The following TG variants were observed in gnomAD, a reference collection of about 807,000 sequenced individuals.
TG encodes the protein thyroid hormones.
In TG, 270 loss-of-function variants were observed where a neutral mutation model predicts 324.7. That is an observed-to-expected ratio of 0.83 (90% CI 0.75 to 0.92). The LOEUF (loss-of-function observed/expected upper bound fraction) is 0.92, where lower values mean the gene tolerates loss of function less well. TG is among the 40% of genes least tolerant of loss of function. The probability of loss-of-function intolerance (pLI) is 0.00; values close to 1 mark genes in which losing one functional copy is unlikely to be tolerated. For missense variants in TG, 3,591 were observed against 3,456.4 expected, an observed-to-expected ratio of 1.04 and a Z score of -0.98; for synonymous variants, 1,401 against 1,327.0, an observed-to-expected ratio of 1.06 and a Z score of -1.21.
intron 35 of TG, among the ~76,000 whole-genome samples, chr8:133,000,257 A>G (rs1436377996): frequency 6.6e-6 from 1 of 152,190 alleles, no homozygotes; most frequent in African/African-American, 2.4e-5. Flanking sequence ...TATGGCACAC[A>G]CAGGGGATGA....
intron 16 of TG, among the ~76,000 whole-genome samples, chr8:132,903,221 C>G (rs187129495): frequency 2.5e-3 from 376 of 152,330 alleles, no homozygotes; most frequent in Admixed American, 5.6e-3. Flanking sequence ...TATAAGGGAG[C>G]AGTTCATTGG....
In TG at chr8:132,886,676, T is replaced by C. The variant is rs1372271336; in HGVS notation, c.1304T>C (p.Val435Ala). Residue 435 changes from valine (V) to alanine (A), a missense_variant, in exon 9 of 48, where the codon GTC becomes GCC. Transcript: ENST00000220616. ...MVEGQSQQFS[V>A]SENLLKEAIR... ...GAGGGACAGAGCCAACAGTTTTCTGTCTCAGAAAATCTTCTCAAAGAAGCC... is the reference window on the plus strand; with the variant it reads ...GAGGGACAGAGCCAACAGTTTTCTGCCTCAGAAAATCTTCTCAAAGAAGCC... 6.2e-7 allele frequency: 1 copy of C among 1,614,150 alleles called. No homozygotes were observed. The highest frequency in any genetic ancestry group is 8.5e-7 in the Non-Finnish European group (1 of 1,180,028).
At chr8:132,969,112 A>G (rs545617841) in intron 31 of TG, among the ~76,000 whole-genome samples, 1 of 152,196 alleles carries the variant, frequency 6.6e-6, no homozygotes, top group South Asian at 2.1e-4. Context: ...GGGCTGCCAT[A>G]CTTAAACCTT....
intron 26 of TG, among the ~76,000 whole-genome samples, chr8:132,946,616 C>G (rs1186888350): frequency 6.6e-6 from 1 of 152,120 alleles, no homozygotes; most frequent in Non-Finnish European, 1.5e-5. Flanking sequence ...CCTTTCTCCC[C>G]TCCCAACAAG....
chr8:132,872,779 C>T (rs1412595963), intron 4 of TG, among the ~76,000 whole-genome samples: 1 of 152,134 alleles, frequency 6.6e-6, no homozygotes, highest in East Asian at 1.9e-4. Context: ...CAAATACTCA[C>T]CATTGTCTTA....
At chr8:132,917,044 T>TCCCTCCTTCCTTCCTTCCTA (rs1563951967) in intron 20 of TG, among the ~76,000 whole-genome samples, 1 of 48,450 alleles carries the variant, frequency 2.1e-5, no homozygotes, top group Non-Finnish European at 4.4e-5. Context: ...CCTCCCTCCC[T>TCCCTCCTTCCTTCCTTCCTA]CCTTCCTTCC....
chr8:133,046,928 AGT>A (rs1370858568), intron 41 of TG, among the ~76,000 whole-genome samples: 2 of 152,226 alleles, frequency 1.3e-5, no homozygotes, highest in Non-Finnish European at 2.9e-5. Flanking sequence ...ACTCTCAGAT[AGT>A]GTGTTTTCTC....
At position 133,042,678 on chromosome 8, in the gene TG, C is replaced by CCTTTTTTTTTTTTT. The variant is rs1554706932; in HGVS notation, c.7239+12655_7239+12656insCTTTTTTTTTTTTT. Reference sequence around the variant, plus strand: ...GTGCACAATTCCTCTCATTCTGTGTCTTTTTTTTTTTTTTTTTTTTTTTTT... The same window carrying CCTTTTTTTTTTTTT: ...GTGCACAATTCCTCTCATTCTGTGTCCTTTTTTTTTTTTTTTTTTTTTTTTTTTTTTTTTTTTTT... On this transcript the variant is annotated intron_variant, in intron 41 of 47. Transcript: ENST00000220616. Among the ~76,000 whole-genome samples, 102 of 56,772 alleles carry CCTTTTTTTTTTTTT rather than the reference C, an allele frequency of 1.8e-3. 9 individuals are homozygous for CCTTTTTTTTTTTTT. The highest frequency in any genetic ancestry group is 6.1e-3 in the East Asian group (14 of 2,280). The allele number at this position is 56,772 out of a possible 152,430, so 37.2% of individuals were successfully genotyped here.
Position 133,050,607 on chromosome 8 carries a change from G to C in TG, c.7239+20584G>C, listed in dbSNP as rs1840220676. The C allele has an allele frequency of 6.1e-6, 3 of 493,090 alleles. No homozygotes were observed. In the East Asian group the frequency reaches 1.0e-4, roughly 16 times the overall value. 30.5% of individuals were successfully genotyped at this position (493,090 alleles called of 1,614,324 possible). The stretch of plus-strand genomic sequence containing the variant: ...AAGCCAAGTTAAGGAATTTAAATTT[G>C]ATCTACCAGGCAGTGGGGAGCTATG... On this transcript the variant is annotated intron_variant, in intron 41 of 47. Coordinates refer to ENST00000220616, the MANE Select transcript of TG (RefSeq NM_003235.5).
chr8:133,074,172 A>G (rs560013670), intron 41 of TG, among the ~76,000 whole-genome samples: 43 of 152,142 alleles, frequency 2.8e-4, no homozygotes, highest in Non-Finnish European at 5.3e-4. Flanking sequence ...GAATTTATAT[A>G]CTTCACATGT....
rs147831463 is a variant in TG, at chr8:132,987,173, C to T, written c.6262+3761C>T. On this transcript the variant is annotated intron_variant, in intron 35 of 47. Coordinates refer to ENST00000220616, the MANE Select transcript of TG (RefSeq NM_003235.5). Reference sequence around the variant, plus strand: ...GAGATGTCACAGTGCTTGTAAGTGTCTTGTTAACAAGTATGATTTAAAAGC... The same window carrying T: ...GAGATGTCACAGTGCTTGTAAGTGTTTTGTTAACAAGTATGATTTAAAAGC... Among the ~76,000 whole-genome samples the T allele has an allele frequency of 2.0e-3, 300 of 152,248 alleles. 1 individual carries two copies. Among genetic ancestry groups the T allele is most frequent in the Admixed American group, 5.3e-3 (81 of 15,286 alleles).
chr8:132,926,440 G>A (rs994268322), intron 22 of TG, among the ~76,000 whole-genome samples: 1 of 152,180 alleles, frequency 6.6e-6, no homozygotes, highest in Non-Finnish European at 1.5e-5. Context: ...AGCACCATTT[G>A]CAGTATCCCA....
intron 41 of TG, chr8:133,074,826 C>T (rs1288006708): frequency 1.2e-5 from 12 of 984,492 alleles, no homozygotes; most frequent in Admixed American, 6.1e-5. Context: ...CTCCCCACCC[C>T]ATCTCTGCCA....
At chr8:132,890,262 T>C (rs1816039782) in intron 10 of TG, among the ~76,000 whole-genome samples, 1 of 152,254 alleles carries the variant, frequency 6.6e-6, no homozygotes, top group Non-Finnish European at 1.5e-5. Context: ...TGCAATTAAA[T>C]GTTTAACAGC....
chr8:132,951,997 A>G (rs1826174198), intron 27 of TG, among the ~76,000 whole-genome samples: 1 of 152,180 alleles, frequency 6.6e-6, no homozygotes, highest in Non-Finnish European at 1.5e-5. Context: ...AGGGACAATA[A>G]AGACAAACTC....
At chr8:132,890,899 C>T (rs927946859) in intron 10 of TG, among the ~76,000 whole-genome samples, 3 of 152,154 alleles carry the variant, frequency 2.0e-5, no homozygotes, top group African/African-American at 7.2e-5. Context: ...TGAAATTTTG[C>T]TTGCTTTATT....
intron 35 of TG, among the ~76,000 whole-genome samples, chr8:132,985,396 C>T (rs1831390958): frequency 6.6e-6 from 1 of 152,122 alleles, no homozygotes; most frequent in Non-Finnish European, 1.5e-5. Context: ...ACCAGTTACC[C>T]ATAGAATCCC....
At chr8:132,983,730 C>A (rs1156609650) in intron 35 of TG, 1 of 451,214 alleles carries the variant, frequency 2.2e-6, no homozygotes, top group Non-Finnish European at 4.1e-6. Context: ...TGACTAGACA[C>A]ACACAATCCG....
At chr8:132,889,607 A>C (rs1213979575) in intron 10 of TG, among the ~76,000 whole-genome samples, 1 of 152,198 alleles carries the variant, frequency 6.6e-6, no homozygotes, top group Admixed American at 6.5e-5. Context: ...CTGTTAGATA[A>C]GAAGTCTTAT....
Sources: allele counts gnomAD v4.1 joint callset (sites outside exome capture counted in the v4.1 genomes callset), GRCh38; gene constraint gnomAD v4.1.1; transcripts MANE v1.5; gene names NCBI Gene and HGNC (gene_info 2026-07-23, HGNC 2026-07-21).